SCLT1: variants seen among roughly 807,000 people sequenced by gnomAD.
SCLT1 encodes sodium channel-associated protein 1.
Under a neutral mutation model 112.8 loss-of-function variants are expected in SCLT1, and 78 were observed. The observed-to-expected ratio is 0.69, with a 90% confidence interval of 0.58 to 0.83. SCLT1 has a LOEUF of 0.83. SCLT1 is among the 40% of genes least tolerant of loss of function. The probability of loss-of-function intolerance (pLI) is 0.00; values close to 1 mark genes in which losing one functional copy is unlikely to be tolerated. For synonymous variants in SCLT1, 257 were observed against 254.7 expected (o/e 1.01, Z -0.09); for missense variants, 747 against 770.4 (o/e 0.97, Z 0.36).
chr4:128,930,736 A>C (rs1736688711), intron 18 of SCLT1, among the ~76,000 whole-genome samples: 1 of 152,218 alleles, frequency 6.6e-6, no homozygotes, highest in Admixed American at 6.5e-5. Flanking sequence ...TGGAAAATGT[A>C]ATATAAATTG....
At chr4:129,042,795 C>T (rs940629651) in intron 4 of SCLT1, among the ~76,000 whole-genome samples, 1 of 152,074 alleles carries the variant, frequency 6.6e-6, no homozygotes, top group African/African-American at 2.4e-5. Context: ...ACCACAGGTG[C>T]ACACCACCAC....
intron 10 of SCLT1, among the ~76,000 whole-genome samples, chr4:128,965,546 A>G (rs1366608818): frequency 2.0e-5 from 3 of 152,218 alleles, no homozygotes; most frequent in African/African-American, 7.2e-5. Flanking sequence ...CCAAACAGTT[A>G]TTGCACATAG....
chr4:128,922,094 A>G (rs1310712486), intron 18 of SCLT1, among the ~76,000 whole-genome samples: 1 of 152,214 alleles, frequency 6.6e-6, no homozygotes, highest in Admixed American at 6.5e-5. Context: ...AACCACAATG[A>G]GATACTATCT....
chr4:128,923,732 C>A (rs1736065685), intron 18 of SCLT1, among the ~76,000 whole-genome samples: 1 of 151,826 alleles, frequency 6.6e-6, no homozygotes, highest in Non-Finnish European at 1.5e-5. Context: ...ATCCATGCAC[C>A]TGGTGATGTA....
intron 18 of SCLT1, among the ~76,000 whole-genome samples, chr4:128,930,706 G>A (rs941977426): frequency 2.0e-5 from 3 of 152,046 alleles, no homozygotes; most frequent in African/African-American, 7.3e-5. Flanking sequence ...GAAGAAAGAC[G>A]GTTAAAGAAG....
intron 5 of SCLT1, 22 bp from the exon 6 acceptor site, chr4:129,003,898 T>A: frequency 6.2e-7 from 1 of 1,606,092 alleles, no homozygotes; most frequent in East Asian, 2.2e-5. Flanking sequence ...ATAGTTAACA[T>A]GATAGCCTCA....
At chr4:129,020,586 A>G (rs1288122393) in intron 5 of SCLT1, among the ~76,000 whole-genome samples, 1 of 152,242 alleles carries the variant, frequency 6.6e-6, no homozygotes, top group Non-Finnish European at 1.5e-5. Flanking sequence ...AAGAAGGAGC[A>G]GCTACATAGA....
intron 14 of SCLT1, among the ~76,000 whole-genome samples, chr4:128,951,870 C>T (rs1230334333): frequency 6.6e-6 from 1 of 152,090 alleles, no homozygotes; most frequent in African/African-American, 2.4e-5. Flanking sequence ...GGGACCAATA[C>T]ACAATGATTA....
chr4:128,981,797 G>C (rs182210081), intron 9 of SCLT1, among the ~76,000 whole-genome samples: 6 of 152,088 alleles, frequency 3.9e-5, no homozygotes, highest in Admixed American at 3.9e-4. Context: ...GCAGTCTACA[G>C]TCGAGGCACA....
At position 129,079,504 on chromosome 4, in the gene SCLT1, T is replaced by C. The variant is rs574921421; in HGVS notation, c.102+2802A>G. 1.2e-4 allele frequency among the ~76,000 whole-genome samples: 18 copies of C among 152,272 alleles called. No individual in the cohort carries two copies. In the South Asian group the frequency reaches 3.7e-3, roughly 32 times the overall value. ...GGGGCCCAAAATAATCTCCTTTGAC[T>C]CCATGTCTCACATCTAGGCAACACT... On this transcript the variant is annotated intron_variant, in intron 2 of 20. Coordinates refer to ENST00000281142, the MANE Select transcript of SCLT1 (RefSeq NM_144643.4).
intron 1 of SCLT1, among the ~76,000 whole-genome samples, chr4:129,087,746 T>C (rs1331000594): frequency 7.7e-6 from 1 of 129,448 alleles, no homozygotes; most frequent in Non-Finnish European, 1.6e-5. Flanking sequence ...GTGAGACCCT[T>C]GCGCAAGTTA....
At chr4:128,894,628 C>T (rs1268216653) in intron 18 of SCLT1, among the ~76,000 whole-genome samples, 14 of 152,082 alleles carry the variant, frequency 9.2e-5, no homozygotes, top group Non-Finnish European at 1.9e-4. Context: ...ACATCTCAGC[C>T]CTAGGTGTCT....
intron 18 of SCLT1, among the ~76,000 whole-genome samples, chr4:128,909,593 T>C (rs1312936922): frequency 1.3e-5 from 2 of 152,342 alleles, no homozygotes; most frequent in Non-Finnish European, 2.9e-5. Context: ...TTAACATGCG[T>C]ATGTTTATTT....
intron 13 of SCLT1, 132 bp downstream of exon 13, chr4:128,956,894 T>G: frequency 9.3e-6 from 5 of 539,892 alleles, no homozygotes. Flanking sequence ...ACACTTAGGT[T>G]AATAATTTCA....
At chr4:128,952,251 T>C (rs1206922848) in intron 14 of SCLT1, 1 of 431,450 alleles carries the variant, frequency 2.3e-6, no homozygotes, top group African/African-American at 2.1e-5. Flanking sequence ...TCTCAATTCT[T>C]GAAAATTGTT....
At chr4:129,081,487 T>C (rs912369436) in intron 2 of SCLT1, among the ~76,000 whole-genome samples, 1 of 152,114 alleles carries the variant, frequency 6.6e-6, no homozygotes, top group African/African-American at 2.4e-5. Context: ...TTGGGAAGCC[T>C]CAGGAAATGT....
At chr4:129,002,759 G>T (rs969062318) in intron 6 of SCLT1, among the ~76,000 whole-genome samples, 2 of 152,164 alleles carry the variant, frequency 1.3e-5, no homozygotes, top group African/African-American at 4.8e-5. Context: ...AGTTAGAATG[G>T]TGATCATTAA....
chr4:128,876,203 A>G (rs542528723), intron 4 of SCLT1, among the ~76,000 whole-genome samples: 1 of 152,310 alleles, frequency 6.6e-6, no homozygotes, highest in Non-Finnish European at 1.5e-5. Context: ...TAATTTTTGT[A>G]AGGATTTGGC....
chr4:128,913,447 G>A (rs185070596), intron 18 of SCLT1, among the ~76,000 whole-genome samples: 24 of 152,210 alleles, frequency 1.6e-4, no homozygotes, highest in African/African-American at 5.5e-4. Context: ...AAAGATTTGA[G>A]GACAGAATAA....
Sources: allele counts gnomAD v4.1 joint callset (sites outside exome capture counted in the v4.1 genomes callset), GRCh38; gene constraint gnomAD v4.1.1; transcripts MANE v1.5; gene names NCBI Gene and HGNC (gene_info 2026-07-23, HGNC 2026-07-21).